JARID2: variants seen among roughly 807,000 people sequenced by gnomAD.
JARID2 encodes the protein jumonji and AT-rich interaction domain containing 2.
JARID2 carries 21 observed loss-of-function variants against 125.6 expected under a neutral mutation model. That is an observed-to-expected ratio of 0.17 (90% CI 0.12 to 0.24). JARID2 has a LOEUF of 0.24. Among genes scored for constraint, JARID2 ranks in the 10% least tolerant of loss-of-function variants. JARID2 has a pLI of 1.00. For synonymous variants in JARID2, 736 were observed against 661.6 expected (o/e 1.11, Z -1.73); for missense variants, 1,303 against 1,639.6 (o/e 0.79, Z 3.55).
At chr6:15,487,124 G>A (rs951447021) in intron 5 of JARID2, among the ~76,000 whole-genome samples, 183 bp from the exon 6 acceptor site, 1 of 152,076 alleles carries the variant, frequency 6.6e-6, no homozygotes, top group Non-Finnish European at 1.5e-5. Context: ...TTGTTATCAC[G>A]AGAACAGCAT....
At chr6:15,464,061 GGTT>G (rs891740224) in intron 4 of JARID2, among the ~76,000 whole-genome samples, 1 of 152,050 alleles carries the variant, frequency 6.6e-6, no homozygotes, top group Non-Finnish European at 1.5e-5. Context: ...ATGCATTTGA[GGTT>G]GTTATTTAGC....
At chr6:15,398,664 T>C (rs1561836623) in intron 2 of JARID2, among the ~76,000 whole-genome samples, 1 of 152,230 alleles carries the variant, frequency 6.6e-6, no homozygotes. Flanking sequence ...CAGGAAGTAA[T>C]GACGATGGTC....
chr6:15,454,601 T>G (rs2127646420), intron 4 of JARID2, among the ~76,000 whole-genome samples: 1 of 151,258 alleles, frequency 6.6e-6, no homozygotes, highest in South Asian at 2.1e-4. Flanking sequence ...CCTCAACCTC[T>G]CCAATAGCTA....
At chr6:15,357,916 C>T (rs775689620) in intron 1 of JARID2, among the ~76,000 whole-genome samples, 25 of 152,118 alleles carry the variant, frequency 1.6e-4, no homozygotes, top group Non-Finnish European at 2.8e-4. Flanking sequence ...GCAATTCCAC[C>T]GTCTTCTGAG....
intron 2 of JARID2, among the ~76,000 whole-genome samples, chr6:15,404,519 GCACACACACACACACACACACA>G (rs3138770): frequency 0.028 from 3,928 of 138,346 alleles, 85 homozygotes; most frequent in South Asian, 0.056. Context: ...ATCTTAAAGT[GCACACACACACACACACACACA>G]CACACACACA....
chr6:15,360,557 A>G (rs964160414), intron 1 of JARID2, among the ~76,000 whole-genome samples: 9 of 152,072 alleles, frequency 5.9e-5, no homozygotes, highest in African/African-American at 1.9e-4. Flanking sequence ...ATCATAGCTC[A>G]CTGTAACCTC....
At chr6:15,332,935 C>CTTTTTTTTTTTTTTTTT (rs33921682) in intron 1 of JARID2, among the ~76,000 whole-genome samples, 3 of 42,170 alleles carry the variant, frequency 7.1e-5, no homozygotes, top group Non-Finnish European at 1.4e-4. Flanking sequence ...CTTTTCTTTT[C>CTTTTTTTTTTTTTTTTT]TTTTTTTTTT....
At chr6:15,513,644 C>T (rs1039208258) in intron 16 of JARID2, among the ~76,000 whole-genome samples, 5 of 152,240 alleles carry the variant, frequency 3.3e-5, no homozygotes, top group Non-Finnish European at 5.9e-5. Flanking sequence ...GTTCTGCCCA[C>T]GCGTGGCCCT....
rs1029369077 is a variant in JARID2 at position 15,351,982 on chromosome 6, A to G, written c.46-22135A>G. On this transcript the variant is annotated intron_variant, in intron 1 of 17. Coordinates refer to ENST00000341776, the MANE Select transcript of JARID2 (RefSeq NM_004973.4). ...ACTGTACATATCCTTTTAAAAAAGG[A>G]TAATCACTGCGCCGAATCTGAGGCT... Among the ~76,000 whole-genome samples, 23 of 152,324 alleles carry G rather than the reference A, an allele frequency of 1.5e-4. 1 individual carries two copies. The highest frequency in any genetic ancestry group is 5.3e-4 in the African/African-American group (22 of 41,572).
intron 5 of JARID2, among the ~76,000 whole-genome samples, chr6:15,479,849 G>A (rs1769526259): frequency 1.3e-5 from 2 of 152,148 alleles, no homozygotes; most frequent in South Asian, 4.1e-4. Flanking sequence ...TTTGGCCCAG[G>A]GCAAACCGGG....
intron 5 of JARID2, among the ~76,000 whole-genome samples, chr6:15,481,975 C>T (rs1273719537): frequency 2.0e-5 from 3 of 152,200 alleles, no homozygotes; most frequent in Non-Finnish European, 4.4e-5. Context: ...CTTTGCTGTC[C>T]ATAGTATTTT....
Position 15,246,166 on chromosome 6 carries a change from G to A in JARID2, c.-374G>A, listed in dbSNP as rs754835398. ...CTTTTCTTTTCCAAGATGTAACTAC[G>A]GATCAGACACTAAGGACCTTCACGT... On this transcript the variant is annotated 5_prime_UTR_variant, in exon 1 of 18. Transcript: ENST00000341776. 1.9e-5 allele frequency: 8 copies of A among 424,672 alleles called. No individual in the cohort carries two copies. The highest frequency in any genetic ancestry group is 3.3e-5 in the Non-Finnish European group (8 of 242,452). 26.3% of individuals were successfully genotyped at this position (424,672 alleles called of 1,614,324 possible). A position where few individuals can be genotyped will look rare whatever the true frequency, so the allele number is the denominator to read the frequency against.
At chr6:15,340,741 G>T (rs778415902) in intron 1 of JARID2, among the ~76,000 whole-genome samples, 1 of 152,168 alleles carries the variant, frequency 6.6e-6, no homozygotes. Flanking sequence ...ATCCTACTTG[G>T]TCGTTTGCTG....
rs1554118142 is a variant in JARID2 at position 15,275,544 on chromosome 6, C to CCCG, written c.45+28960_45+28961insCCG. Among the ~76,000 whole-genome samples, 772 of 94,636 alleles carry CCCG rather than the reference C, an allele frequency of 8.2e-3. 72 individuals carry two copies. Among genetic ancestry groups the CCCG allele is most frequent in the South Asian group, 0.026 (41 of 1,580 alleles). 62.1% of individuals were successfully genotyped at this position (94,636 alleles called of 152,430 possible). A position where few individuals can be genotyped will look rare whatever the true frequency, so the allele number is the denominator to read the frequency against. On this transcript the variant is annotated intron_variant, in intron 1 of 17. Coordinates refer to ENST00000341776, the MANE Select transcript of JARID2 (RefSeq NM_004973.4). ...TTACCGCCCCCCCCGCCCCCCCCCC[C>CCCG]GTCTTTTGCCTCTTCAATGACCAGG...
Position 15,380,314 on chromosome 6 carries a change from C to T in JARID2, c.181+6062C>T, listed in dbSNP as rs552613295. On this transcript the variant is annotated intron_variant, in intron 2 of 17. Coordinates refer to ENST00000341776, the MANE Select transcript of JARID2 (RefSeq NM_004973.4). ...CTTCCCCAAGTGCTGAGATTACAAG[C>T]GTGAGCCACCGTGCCTGGCCGTCAG... 1.0e-3 allele frequency among the ~76,000 whole-genome samples: 158 copies of T among 152,170 alleles called. 1 individual carries two copies. Among genetic ancestry groups the T allele is most frequent in the African/African-American group, 3.5e-3 (147 of 41,512 alleles).
intron 1 of JARID2, among the ~76,000 whole-genome samples, chr6:15,284,580 G>A (rs369277025): frequency 2.0e-5 from 3 of 150,722 alleles, no homozygotes; most frequent in East Asian, 1.9e-4. Flanking sequence ...GCGCGATTCC[G>A]GGTTCCAGCG....
rs200932393 is a variant in JARID2, at chr6:15,246,250, TTG to T, written c.-278_-277del. The T allele has an allele frequency of 1.8e-4, 84 of 464,364 alleles. No homozygotes were observed. The highest frequency in any genetic ancestry group is 1.5e-3 in the East Asian group (44 of 29,028). 28.8% of individuals were successfully genotyped at this position (464,364 alleles called of 1,614,324 possible). A position where few individuals can be genotyped will look rare whatever the true frequency, so the allele number is the denominator to read the frequency against. ...GGGAGTGAAGGGCGTCGGTTTTTTT[TTG>T]TGTGTGTGTGTATGTGTTTCGGGGG... is the stretch of plus-strand genomic sequence containing the variant. On this transcript the variant is annotated 5_prime_UTR_variant, in exon 1 of 18. Transcript: ENST00000341776.
intron 2 of JARID2, among the ~76,000 whole-genome samples, chr6:15,390,353 CTA>C (rs1231998060): frequency 6.6e-6 from 1 of 152,086 alleles, no homozygotes; most frequent in East Asian, 1.9e-4. Context: ...GTGGGGTTCT[CTA>C]TCCGTTCATC....
intron 2 of JARID2, among the ~76,000 whole-genome samples, chr6:15,408,484 G>T: frequency 6.6e-6 from 1 of 152,028 alleles, no homozygotes; most frequent in East Asian, 1.9e-4. Context: ...GTGGGAAGAG[G>T]GATCCCCCAC....
Sources: gnomAD v4.1 joint callset for allele counts (sites outside exome capture counted in the v4.1 genomes callset) on GRCh38, gnomAD v4.1.1 for gene constraint, MANE v1.5 for transcripts, NCBI Gene and HGNC (gene_info 2026-07-23, HGNC 2026-07-21) for gene names.